Variants in ANKRD30B observed in about 807,000 individuals in gnomAD.
ANKRD30B encodes the protein ankyrin repeat domain-containing protein 30B.
In ANKRD30B, 144 loss-of-function variants were observed where a neutral mutation model predicts 202.2. The observed-to-expected ratio is 0.71, with a 90% CI of 0.62 to 0.82. ANKRD30B has a LOEUF of 0.82. Among genes scored for constraint, ANKRD30B ranks in the 40% least tolerant of loss-of-function variants. The pLI, the probability that ANKRD30B is intolerant of heterozygous loss-of-function variation, is 0.00. For synonymous variants in ANKRD30B, 508 were observed against 561.3 expected, an observed-to-expected ratio of 0.91 and a Z score of 1.34; for missense variants, 1,487 against 1,669.1, an observed-to-expected ratio of 0.89 and a Z score of 1.90.
chr18:14,790,018 A>T (rs1968360813), intron 15 of ANKRD30B, among the ~76,000 whole-genome samples: 1 of 152,186 alleles, frequency 6.6e-6, no homozygotes, highest in Non-Finnish European at 1.5e-5. Flanking sequence ...CTTCCTACCC[A>T]TGAGCATGGA....
In ANKRD30B at chr18:14,832,873, C is replaced by A. The variant is rs552463719; in HGVS notation, c.2847+1418C>A. On this transcript the variant is annotated intron_variant, in intron 34 of 43. Coordinates refer to ENST00000690538, the MANE Select transcript of ANKRD30B (RefSeq NM_001367607.2). ...AAGATTACACTATATTTTCTAGTAT[C>A]CCCAAGTGGAGTTCAGATTTTAAAA... 5.9e-5 allele frequency among the ~76,000 whole-genome samples: 9 copies of A among 152,220 alleles called. No individual in the cohort carries two copies. The East Asian group carries it at 1.7e-3, about 29-fold the overall frequency.
intron 8 of ANKRD30B, 67 bp from the exon 9 acceptor site, chr18:14,772,089 G>T (rs2143801046): frequency 2.0e-6 from 2 of 1,019,580 alleles, no homozygotes; most frequent in East Asian, 2.9e-5. Context: ...ACCAAGATAT[G>T]AACTAGCAGA....
At chr18:14,916,907 T>G in the ANKRD30B span, among the ~76,000 whole-genome samples, 7 of 152,226 alleles carry the variant, frequency 4.6e-5, no homozygotes, top group African/African-American at 1.7e-4. Context: ...GCCAGTGACT[T>G]GGCTAAAGTC....
the ANKRD30B span, among the ~76,000 whole-genome samples, chr18:14,940,455 G>A: frequency 7.4e-4 from 112 of 152,318 alleles, no homozygotes; most frequent in African/African-American, 2.5e-3. Flanking sequence ...CACACAGCAA[G>A]TCAGGCATGT....
intron 28 of ANKRD30B, 23 bp downstream of exon 28, chr18:14,810,203 T>C: frequency 7.9e-7 from 1 of 1,272,870 alleles, no homozygotes; most frequent in Non-Finnish European, 1.1e-6. Flanking sequence ...ATTTAAATTT[T>C]ACTCTGGAAT....
chr18:14,762,249 GA>G (rs1353348742), intron 6 of ANKRD30B, among the ~76,000 whole-genome samples: 1 of 152,186 alleles, frequency 6.6e-6, no homozygotes, highest in Admixed American at 6.5e-5. Flanking sequence ...CTCCTAGAGT[GA>G]AAACCCTTAT....
At chr18:14,915,607 G>A in the ANKRD30B span, 7 of 152,264 alleles carry the variant, frequency 4.6e-5, no homozygotes, top group South Asian at 6.2e-4. Context: ...AATGAGTATC[G>A]TCCTCATCAA....
chr18:14,822,680 A>C lies in ANKRD30B; in HGVS notation c.2743+3A>C. ...GGACAGAGAAACATTCAAAGCAGGT[A>C]AATTTTGTAATTTTAATTTTACTGT... On this transcript the variant is annotated splice_donor_region_variant and intron_variant, in intron 32 of 43. Coordinates refer to ENST00000690538, the MANE Select transcript of ANKRD30B (RefSeq NM_001367607.2). The C allele has an allele frequency of 2.2e-6, 3 of 1,348,510 alleles. No individual in the cohort carries two copies. Among genetic ancestry groups the C allele is most frequent in the Non-Finnish European group, 3.0e-6 (3 of 997,768 alleles). 83.5% of individuals were successfully genotyped at this position (1,348,510 alleles called of 1,614,324 possible).
At chr18:14,820,437 T>C (rs1970355808) in intron 30 of ANKRD30B, among the ~76,000 whole-genome samples, 1 of 152,190 alleles carries the variant, frequency 6.6e-6, no homozygotes. Context: ...CCCTGTATTG[T>C]GCCAGTTTTC....
At chr18:14,783,601 G>C (rs1396881603) in intron 12 of ANKRD30B, among the ~76,000 whole-genome samples, 5 of 152,030 alleles carry the variant, frequency 3.3e-5, no homozygotes, top group Non-Finnish European at 5.9e-5. Context: ...TGAATAATAA[G>C]ATTGCTTTTT....
chr18:14,787,005 T>A, intron 14 of ANKRD30B, 34 bp from the exon 15 acceptor site: 1 of 1,582,882 alleles, frequency 6.3e-7, no homozygotes, highest in Non-Finnish European at 8.6e-7. Context: ...AGAGAAATGT[T>A]CTCATGAATA....
At chr18:14,940,832 G>A in the ANKRD30B span, among the ~76,000 whole-genome samples, 2 of 152,176 alleles carry the variant, frequency 1.3e-5, no homozygotes, top group Admixed American at 6.6e-5. Flanking sequence ...TTTTGCAAAT[G>A]AAAGTCAAAG....
chr18:14,853,336 G>A (rs1304200777), intron 42 of ANKRD30B, among the ~76,000 whole-genome samples: 2 of 152,090 alleles, frequency 1.3e-5, no homozygotes, highest in Non-Finnish European at 2.9e-5. Context: ...TAGGAGCTGA[G>A]GTCAGGAGGG....
the ANKRD30B span, among the ~76,000 whole-genome samples, chr18:14,941,122 CT>C: frequency 6.6e-6 from 1 of 152,168 alleles, no homozygotes; most frequent in African/African-American, 2.4e-5. Context: ...AAGAAATAAA[CT>C]TATTGAACCA....
At chr18:14,897,771 A>G in the ANKRD30B span, among the ~76,000 whole-genome samples, 3 of 152,138 alleles carry the variant, frequency 2.0e-5, no homozygotes, top group Admixed American at 1.3e-4. Flanking sequence ...TAACTCTGAA[A>G]TCTTTTCAAA....
chr18:14,807,201 G>GA (rs1366503600), intron 24 of ANKRD30B, among the ~76,000 whole-genome samples: 2 of 150,820 alleles, frequency 1.3e-5, no homozygotes, highest in African/African-American at 4.9e-5. Context: ...GTGTCTTACT[G>GA]AAAAATAACA....
chr18:14,876,215 G>T, the ANKRD30B span, among the ~76,000 whole-genome samples: 1 of 151,460 alleles, frequency 6.6e-6, no homozygotes, highest in Non-Finnish European at 1.5e-5. Flanking sequence ...CACCTTCCCA[G>T]CTTTGCCACA....
the ANKRD30B span, among the ~76,000 whole-genome samples, chr18:14,935,128 G>A: frequency 6.6e-6 from 1 of 152,156 alleles, no homozygotes; most frequent in Non-Finnish European, 1.5e-5. Flanking sequence ...TAGCATGCTA[G>A]TCTCATGAAT....
the ANKRD30B span, among the ~76,000 whole-genome samples, chr18:14,937,898 C>T: frequency 6.6e-6 from 1 of 152,176 alleles, no homozygotes; most frequent in Non-Finnish European, 1.5e-5. Context: ...GGTGACTGCC[C>T]CCACAAACTG....
Sources: gnomAD v4.1 joint callset for allele counts (sites outside exome capture counted in the v4.1 genomes callset) on GRCh38, gnomAD v4.1.1 for gene constraint, MANE v1.5 for transcripts, NCBI Gene and HGNC (gene_info 2026-07-23, HGNC 2026-07-21) for gene names.